ATP13A2: variants seen among roughly 807,000 people sequenced by gnomAD.
ATP13A2 encodes the protein polyamine-transporting ATPase 13A2.
Under a neutral mutation model 138.3 loss-of-function variants are expected in ATP13A2, and 83 were observed. The observed-to-expected ratio is 0.60, with a 90% confidence interval of 0.50 to 0.72. The LOEUF is 0.72. ATP13A2 is among the 30% of genes least tolerant of loss of function. The pLI, the probability that ATP13A2 is intolerant of heterozygous loss-of-function variation, is 0.00. For missense variants in ATP13A2, 1,402 were observed against 1,606.4 expected, an observed-to-expected ratio of 0.87 and a Z score of 2.17; for synonymous variants, 663 against 699.0, an observed-to-expected ratio of 0.95 and a Z score of 0.81.
At chr1:17,002,423 G>C in intron 6 of ATP13A2, 50 bp from the exon 7 acceptor site, 1 of 1,583,428 alleles carries the variant, frequency 6.3e-7, no homozygotes, top group Non-Finnish European at 8.6e-7. Context: ...CCTGAGGTCT[G>C]CATCCCCCAC....
intron 8 of ATP13A2, among the ~76,000 whole-genome samples, chr1:17,001,184 G>A (rs567343119): frequency 2.5e-4 from 38 of 151,538 alleles, no homozygotes; most frequent in Non-Finnish European, 3.4e-4. Context: ...TTGCAAGGCC[G>A]AGGCAGGTGG....
chr1:17,008,687 A>C (rs2077658275), intron 1 of ATP13A2, among the ~76,000 whole-genome samples: 1 of 151,886 alleles, frequency 6.6e-6, no homozygotes, highest in Admixed American at 6.6e-5. Context: ...GCAGTGGCTC[A>C]CGCCTGTAAT....
chr1:17,010,039 A>G (rs887536484), intron 1 of ATP13A2, among the ~76,000 whole-genome samples: 11 of 152,014 alleles, frequency 7.2e-5, no homozygotes, highest in Admixed American at 1.3e-4. Context: ...GGGGGGCGAG[A>G]GCACCTTCAT....
Position 16,996,308 on chromosome 1 carries a change from G to A in ATP13A2, c.1307-8C>T. On this transcript the variant is annotated splice_polypyrimidine_tract_variant and splice_region_variant and intron_variant, in intron 13 of 28. Transcript: ENST00000326735. Reference sequence around the variant, plus strand: ...AGATGGTGCCGAGGAGAGCTGTGGGGACAGCGAAGGACTGAGTGGGATTTG... The same window carrying A: ...AGATGGTGCCGAGGAGAGCTGTGGGAACAGCGAAGGACTGAGTGGGATTTG... The A allele has an allele frequency of 6.2e-7, 1 of 1,614,162 alleles. No individual in the cohort carries two copies. Among genetic ancestry groups the A allele is most frequent in the Middle Eastern group, 1.6e-4 (1 of 6,062 alleles).
In ATP13A2 at chr1:16,993,652, T is replaced by C. The variant is rs753515967; in HGVS notation, c.1726A>G (p.Lys576Glu). The C allele has an allele frequency of 6.3e-7, 1 of 1,591,982 alleles. No individual in the cohort carries two copies. Among genetic ancestry groups the C allele is most frequent in the Non-Finnish European group, 8.5e-7 (1 of 1,169,696 alleles). ...DTPVGDPMDL[K>E]MVESTGWVLE... The stretch of plus-strand genomic sequence containing the variant: ...ACCCAGCCAGTAGACTCCACCATCT[T>C]CAAGTCCATGGGGTCGCCCACGGGG... Residue 576 changes from lysine to glutamate, a missense_variant, in exon 16 of 29, where the codon AAG becomes GAG. Physicochemically the swap from Lys to Glu is moderately conservative, Grantham distance 56 (BLOSUM62 1). Coordinates refer to ENST00000326735, the MANE Select transcript of ATP13A2 (RefSeq NM_022089.4).
chr1:17,002,974 T>TGCCTGTGAGCCCGGAAAGCGTG, intron 6 of ATP13A2, among the ~76,000 whole-genome samples: 1 of 152,290 alleles, frequency 6.6e-6, no homozygotes, highest in Middle Eastern at 3.4e-3. Flanking sequence ...GTGAATCCCC[T>TGCCTGTGAGCCCGGAAAGCGTG]GCCTGTGAGC....
chr1:16,989,585 G>A, intron 23 of ATP13A2, 106 bp downstream of exon 23: 2 of 1,121,222 alleles, frequency 1.8e-6, no homozygotes, highest in Non-Finnish European at 2.7e-6. Context: ...ACAGCTCTCT[G>A]GTGCCTGAGG....
intron 25 of ATP13A2, 128 bp downstream of exon 25, chr1:16,988,010 G>A (rs1224838221): frequency 2.0e-5 from 18 of 890,088 alleles, no homozygotes; most frequent in African/African-American, 1.8e-4. Context: ...CCACACAGCC[G>A]GAGAGTGGCA....
rs1202429106 is a variant in ATP13A2, at chr1:17,000,530, A to G, written c.710T>C (p.Leu237Pro). 1 of 1,613,628 alleles carries G rather than the reference A, an allele frequency of 6.2e-7. No individual in the cohort carries two copies. Among genetic ancestry groups the G allele is most frequent in the Non-Finnish European group, 8.5e-7 (1 of 1,179,662 alleles). Residue 237 changes from leucine to proline, a missense_variant, in exon 9 of 29, where the codon CTG becomes CCG. Transcript: ENST00000326735. ...SYPQLLVDEA[L>P]NPYYGFQAFS... The stretch of plus-strand genomic sequence containing the variant: ...GGCCTGGAACCCATAGTAGGGGTTC[A>G]GTGCCTGGGGGAGGGGCGGGAGGCA...
intron 8 of ATP13A2, among the ~76,000 whole-genome samples, chr1:17,001,697 AGC>A (rs2077363692): frequency 6.6e-6 from 1 of 152,114 alleles, no homozygotes; most frequent in Non-Finnish European, 1.5e-5. Flanking sequence ...GACTGTTGGG[AGC>A]ATGAAAGTGG....
At position 16,987,230 on chromosome 1, in the gene ATP13A2, C is replaced by A; in HGVS notation, c.2899G>T (p.Asp967Tyr). Reference sequence around the variant, plus strand: ...GCCACTGTGGTGGTGATGACCAGGTCGATGGCCAGGAACTGCAGGTCACCC... The same window carrying A: ...GCCACTGTGGTGGTGATGACCAGGTAGATGGCCAGGAACTGCAGGTCACCC... ...NLGDLQFLAI[D>Y]LVITTTVAVL... Residue 967 changes from aspartate (D) to tyrosine (Y), a missense_variant, in exon 26 of 29, where the codon GAC becomes TAC. By Grantham distance (160) the Asp-to-Tyr change is radical (BLOSUM62 -3). Coordinates refer to ENST00000326735, the MANE Select transcript of ATP13A2 (RefSeq NM_022089.4). The A allele has an allele frequency of 1.9e-6, 3 of 1,613,800 alleles. No homozygotes were observed. Among genetic ancestry groups the A allele is most frequent in the Non-Finnish European group, 2.5e-6 (3 of 1,179,838 alleles).
Position 17,005,571 on chromosome 1 carries a change from A to C in ATP13A2, c.106-15T>G. 1 of 1,614,218 alleles carries C rather than the reference A, an allele frequency of 6.2e-7. No homozygotes were observed. Among genetic ancestry groups the C allele is most frequent in the Non-Finnish European group, 8.5e-7 (1 of 1,180,040 alleles). On this transcript the variant is annotated splice_polypyrimidine_tract_variant and intron_variant, in intron 2 of 28. Transcript: ENST00000326735. ...CCGCTGAGCCTCTGCGAACGCAGCG[A>C]GAGAGGGCCCAGGTCGGGGTGGGAA...
rs1483668823 is a variant in ATP13A2, at chr1:17,002,312, G to A, written c.619C>T (p.Gln207Ter). The part of the protein sequence containing the change: ...VHRSRHGLSL[Q>*]DQMVRKAIYG... ...AGCACTGACCTCACCATTTGGTCCT[G>A]GAGGCTGAGGCCATGGCGGGAGCGG... is the stretch of plus-strand genomic sequence containing the variant. The change falls in exon 7 of 29, where the codon CAG becomes TAG. Residue 207 changes from glutamine to a stop codon, truncating the protein, a stop_gained. Transcript: ENST00000326735. LOFTEE classifies it high-confidence loss of function. 6.2e-7 allele frequency: 1 copy of A among 1,613,710 alleles called. No individual in the cohort carries two copies. The highest frequency in any genetic ancestry group is 8.5e-7 in the Non-Finnish European group (1 of 1,179,944).
At chr1:16,989,407 C>T (rs2076845100) in intron 23 of ATP13A2, among the ~76,000 whole-genome samples, 1 of 152,112 alleles carries the variant, frequency 6.6e-6, no homozygotes, top group Non-Finnish European at 1.5e-5. Context: ...GATGGGGTCT[C>T]ACTTTGTTGC....
chr1:17,011,855 G>A lies in ATP13A2; in HGVS notation c.-117C>T. ...GACGGCCCGGGGCGAGGGGCGCTGG[G>A]CTAGCGCGGGGCTGGAGCAGGGCTG... On this transcript the variant is annotated 5_prime_UTR_variant, in exon 1 of 29. Transcript: ENST00000326735. The surrounding 1 kb of genome is among the most constrained non-coding windows in gnomAD (Gnocchi z 7.3). 14 of 978,748 alleles carry A rather than the reference G, an allele frequency of 1.4e-5. No homozygotes were observed. Among genetic ancestry groups the A allele is most frequent in the Non-Finnish European group, 1.7e-5 (14 of 810,916 alleles). 60.6% of individuals were successfully genotyped at this position (978,748 alleles called of 1,614,324 possible).
Position 17,004,268 on chromosome 1 carries a change from C to A in ATP13A2, c.557+64G>T. On this transcript the variant is annotated intron_variant, in intron 6 of 28. Transcript: ENST00000326735. This position sits in a 1 kb window ranked among gnomAD's most constrained non-coding sequence, Gnocchi z 4.1. ...GGGAGCCCAGGCCATGCCATGCCAC[C>A]GTCTGTGCCCAAACCAGTGCCACTC... 2.0e-6 allele frequency: 3 copies of A among 1,534,894 alleles called. No individual in the cohort carries two copies. The highest frequency in any genetic ancestry group is 1.2e-5 in the South Asian group (1 of 86,268).
intron 15 of ATP13A2, among the ~76,000 whole-genome samples, chr1:16,994,360 G>A (rs2077043145): frequency 6.6e-6 from 1 of 151,888 alleles, no homozygotes. Flanking sequence ...AGCCTCCCGA[G>A]CAGCTAGGAT....
chr1:17,006,381 G>C (rs1236173906), intron 1 of ATP13A2, among the ~76,000 whole-genome samples: 1 of 151,516 alleles, frequency 6.6e-6, no homozygotes, highest in Non-Finnish European at 1.5e-5. Context: ...CTCCCGAGTA[G>C]CTGGGATTAT....
At position 16,986,402 on chromosome 1, in the gene ATP13A2, T is replaced by C. The variant is rs2076724016; in HGVS notation, c.3406-44A>G. The C allele has an allele frequency of 2.5e-6, 4 of 1,600,032 alleles. No individual in the cohort carries two copies. The highest frequency in any genetic ancestry group is 3.4e-6 in the Non-Finnish European group (4 of 1,176,032). On this transcript the variant is annotated intron_variant, in intron 28 of 28. Coordinates refer to ENST00000326735, the MANE Select transcript of ATP13A2 (RefSeq NM_022089.4). This position sits in a 1 kb window ranked among gnomAD's most constrained non-coding sequence, Gnocchi z 6.9. ...GTGTCAGGGGCAGCCGGGGCTGAGC[T>C]GGGGTCAATGCACCCCCACCTCCCT...
Sources: gnomAD v4.1 joint callset for allele counts (sites outside exome capture counted in the v4.1 genomes callset) on GRCh38, gnomAD v4.1.1 for gene constraint, Gnocchi (gnomAD v3.1) non-coding constraint, MANE v1.5 for transcripts, NCBI Gene and HGNC (gene_info 2026-07-23, HGNC 2026-07-21) for gene names.